The following MAML3 variants were observed in gnomAD, a reference collection of about 807,000 sequenced individuals.
MAML3 encodes the protein mastermind like transcriptional coactivator 3.
Under a neutral mutation model 101.9 loss-of-function variants are expected in MAML3, and 27 were observed. The ratio of observed to expected loss-of-function variants is 0.27; its 90% confidence interval spans 0.20 to 0.37. The LOEUF (loss-of-function observed/expected upper bound fraction) is 0.37, where lower values mean the gene tolerates loss of function less well. Ranked by LOEUF, MAML3 falls within the 10% of genes least tolerant of loss-of-function variation. The probability of loss-of-function intolerance (pLI) is 1.00; values close to 1 mark genes in which losing one functional copy is unlikely to be tolerated. For synonymous variants in MAML3, 501 were observed against 555.9 expected, an observed-to-expected ratio of 0.90 and a Z score of 1.39; for missense variants, 1,316 against 1,444.9, an observed-to-expected ratio of 0.91 and a Z score of 1.45.
rs1043912981 is a variant in MAML3 at position 139,718,471 on chromosome 4, AG to A, written c.*851del. 1 of 152,302 alleles carries A rather than the reference AG, an allele frequency of 6.6e-6. No homozygotes were observed. The highest frequency in any genetic ancestry group is 1.5e-5 in the Non-Finnish European group (1 of 68,144). The allele number at this position is 152,302 out of a possible 1,614,324, so 9.4% of individuals were successfully genotyped here. A position where few individuals can be genotyped will look rare whatever the true frequency, so the allele number is the denominator to read the frequency against. The stretch of plus-strand genomic sequence containing the variant: ...GGCTGGCAGACACACAGGGTCCAGT[AG>A]GGGTTTCCCTGCCCTGCGGCCGCCA... On this transcript the variant is annotated 3_prime_UTR_variant, in exon 5 of 5. Transcript: ENST00000509479.
At chr4:139,914,480 C>T (rs1560834441) in intron 1 of MAML3, among the ~76,000 whole-genome samples, 2 of 151,826 alleles carry the variant, frequency 1.3e-5, no homozygotes, top group South Asian at 2.1e-4. Context: ...ATTCACAAAG[C>T]GCCATATTGT....
At chr4:140,026,358 G>A (rs555393672) in intron 1 of MAML3, among the ~76,000 whole-genome samples, 3 of 152,088 alleles carry the variant, frequency 2.0e-5, no homozygotes, top group Non-Finnish European at 2.9e-5. Flanking sequence ...AGGTTCAAGC[G>A]ATTCTCATGC....
intron 1 of MAML3, among the ~76,000 whole-genome samples, chr4:140,125,026 A>T (rs1427093299): frequency 1.3e-5 from 2 of 152,216 alleles, no homozygotes; most frequent in Admixed American, 1.3e-4. Context: ...AATGTCCTTT[A>T]ATTATAATTA....
At chr4:139,726,161 T>G (rs1481106813) in intron 3 of MAML3, among the ~76,000 whole-genome samples, 1 of 152,242 alleles carries the variant, frequency 6.6e-6, no homozygotes. Flanking sequence ...TTATGTCTGC[T>G]TTTGTACTTT....
intron 2 of MAML3, among the ~76,000 whole-genome samples, chr4:139,792,748 C>CTTTCT (rs1730438520): frequency 2.8e-5 from 4 of 142,604 alleles, no homozygotes. Flanking sequence ...TTCTTTCTTT[C>CTTTCT]TTTTTTTTTT....
At chr4:139,873,507 C>A (rs1242273424) in intron 2 of MAML3, among the ~76,000 whole-genome samples, 1 of 152,188 alleles carries the variant, frequency 6.6e-6, no homozygotes, top group African/African-American at 2.4e-5. Context: ...TGGAGTGTGG[C>A]TGGACTTAAA....
At chr4:140,148,641 G>A (rs1217877554) in intron 1 of MAML3, among the ~76,000 whole-genome samples, 5 of 152,114 alleles carry the variant, frequency 3.3e-5, no homozygotes, top group African/African-American at 1.2e-4. Flanking sequence ...AATTGATACA[G>A]AGCCAGTAAT....
intron 1 of MAML3, among the ~76,000 whole-genome samples, chr4:139,956,350 A>G (rs1021897302): frequency 3.9e-5 from 6 of 152,212 alleles, no homozygotes; most frequent in African/African-American, 1.4e-4. Context: ...AGTTATTAGA[A>G]TTCATTGCTT....
At chr4:140,058,882 A>G (rs970433804) in intron 1 of MAML3, among the ~76,000 whole-genome samples, 1 of 152,260 alleles carries the variant, frequency 6.6e-6, no homozygotes, top group African/African-American at 2.4e-5. Flanking sequence ...AAAAAGAAAA[A>G]GAGAATCGGT....
intron 1 of MAML3, among the ~76,000 whole-genome samples, chr4:140,132,692 C>T (rs77670569): frequency 0.044 from 6,775 of 152,324 alleles, 215 homozygotes; most frequent in Non-Finnish European, 0.067. Flanking sequence ...CTGAAGACTT[C>T]TCACTTTGCA....
chr4:140,085,606 C>T (rs1037480627), intron 1 of MAML3, among the ~76,000 whole-genome samples: 1 of 152,216 alleles, frequency 6.6e-6, no homozygotes, highest in African/African-American at 2.4e-5. Context: ...GTCAGGGCAG[C>T]TGTTTCCAGA....
At position 139,944,313 on chromosome 4, in the gene MAML3, A is replaced by G. The variant is rs570346326; in HGVS notation, c.469-53346T>C. Among the ~76,000 whole-genome samples the G allele has an allele frequency of 3.0e-3, 450 of 152,058 alleles. 3 individuals carry two copies. The highest frequency in any genetic ancestry group is 6.2e-3 in the Admixed American group (95 of 15,286). Reference sequence around the variant, plus strand: ...CATCTAGCATTAGGTATATCTCCCAATGCTATCCCTCCCCCTTCCCCCCAT... The same window carrying G: ...CATCTAGCATTAGGTATATCTCCCAGTGCTATCCCTCCCCCTTCCCCCCAT... On this transcript the variant is annotated intron_variant, in intron 1 of 4. Coordinates refer to ENST00000509479, the MANE Select transcript of MAML3 (RefSeq NM_018717.5).
chr4:139,751,475 AGTTT>A (rs1168055984), intron 2 of MAML3, among the ~76,000 whole-genome samples: 1 of 152,234 alleles, frequency 6.6e-6, no homozygotes, highest in Admixed American at 6.5e-5. Flanking sequence ...CATGAAACAA[AGTTT>A]TGACTGCATT....
intron 1 of MAML3, among the ~76,000 whole-genome samples, chr4:139,950,799 TAAG>T (rs1236421506): frequency 6.6e-6 from 1 of 152,176 alleles, no homozygotes; most frequent in East Asian, 1.9e-4. Context: ...GCCACCCTGC[TAAG>T]AGTCCTCCAG....
At chr4:140,105,399 T>A (rs761238956) in intron 1 of MAML3, among the ~76,000 whole-genome samples, 4 of 152,210 alleles carry the variant, frequency 2.6e-5, no homozygotes, top group Non-Finnish European at 5.9e-5. Context: ...TAAGTTCTCA[T>A]CAAGTCTCCT....
intron 1 of MAML3, among the ~76,000 whole-genome samples, chr4:139,896,252 A>C (rs1560829074): frequency 6.6e-6 from 1 of 152,126 alleles, no homozygotes; most frequent in East Asian, 1.9e-4. Context: ...CCTCTCCTCA[A>C]GACTCAGGGC....
At chr4:139,722,892 A>C (rs1402201826) in intron 4 of MAML3, among the ~76,000 whole-genome samples, 1 of 152,258 alleles carries the variant, frequency 6.6e-6, no homozygotes, top group African/African-American at 2.4e-5. Flanking sequence ...AATACTGAAG[A>C]TAGTAAAACA....
At chr4:139,927,479 A>G (rs1381007020) in intron 1 of MAML3, among the ~76,000 whole-genome samples, 1 of 152,176 alleles carries the variant, frequency 6.6e-6, no homozygotes, top group Non-Finnish European at 1.5e-5. Flanking sequence ...TTCTCCTCAA[A>G]TCGTTGCCCA....
intron 2 of MAML3, among the ~76,000 whole-genome samples, chr4:139,808,424 G>A (rs1305464471): frequency 6.6e-6 from 1 of 152,236 alleles, no homozygotes; most frequent in Non-Finnish European, 1.5e-5. Flanking sequence ...ATTATCACCA[G>A]CTTTATTGGC....
Sources: allele counts gnomAD v4.1 joint callset (sites outside exome capture counted in the v4.1 genomes callset), GRCh38; gene constraint gnomAD v4.1.1; transcripts MANE v1.5; gene names NCBI Gene and HGNC (gene_info 2026-07-23, HGNC 2026-07-21).